The following RBFOX1 variants were observed in gnomAD, a reference collection of about 807,000 sequenced individuals.
RBFOX1 encodes the protein RNA binding protein fox-1 homolog 1.
In RBFOX1, 8 loss-of-function variants were observed where a neutral mutation model predicts 57.7. The ratio of observed to expected loss-of-function variants is 0.14; its 90% CI spans 0.08 to 0.25. The LOEUF (loss-of-function observed/expected upper bound fraction) is 0.25, where lower values mean the gene tolerates loss of function less well. RBFOX1 is among the 10% of genes least tolerant of loss of function. The pLI is 1.00. For missense variants in RBFOX1, 611 were observed against 548.5 expected (o/e 1.11, Z -1.14); for synonymous variants, 326 against 222.4 (o/e 1.47, Z -4.15).
rs533928576 is a variant in RBFOX1 at position 6,254,331 on chromosome 16, T to C, written c.-126-62664T>C. ...TCAACAATATAAATATCTATCTACA[T>C]AAGTGATTGTTTTTATCAAAATCAT... On this transcript the variant is annotated intron_variant, in intron 1 of 15. Coordinates refer to ENST00000550418, the MANE Select transcript of RBFOX1 (RefSeq NM_018723.4). Among the ~76,000 whole-genome samples, 4 of 152,292 alleles carry C rather than the reference T, an allele frequency of 2.6e-5. No individual in the cohort carries two copies. In the South Asian group the frequency reaches 8.3e-4, roughly 32 times the overall value.
chr16:7,128,511 C>A (rs17737220), intron 4 of RBFOX1, among the ~76,000 whole-genome samples: 91 of 152,184 alleles, frequency 6.0e-4, no homozygotes, highest in African/African-American at 2.0e-3. Context: ...ATATCCCCAG[C>A]AAGCTAGCCT....
intron 1 of RBFOX1, among the ~76,000 whole-genome samples, chr16:6,079,457 G>T (rs1318863578): frequency 1.3e-5 from 2 of 152,186 alleles, no homozygotes; most frequent in Non-Finnish European, 2.9e-5. Flanking sequence ...GACCACATGT[G>T]TGTGCCACCA....
At chr16:7,124,027 G>T (rs2067813863) in intron 4 of RBFOX1, among the ~76,000 whole-genome samples, 1 of 152,096 alleles carries the variant, frequency 6.6e-6, no homozygotes, top group Non-Finnish European at 1.5e-5. Flanking sequence ...GGAATTACTA[G>T]GTCAAAGGTT....
chr16:5,652,752 A>G (rs753733316), intron 3 of RBFOX1, among the ~76,000 whole-genome samples: 1 of 152,306 alleles, frequency 6.6e-6, no homozygotes, highest in Admixed American at 6.5e-5. Flanking sequence ...AACCAGACAG[A>G]CTTGAATTCA....
chr16:5,780,549 A>G (rs1326008647), intron 3 of RBFOX1, among the ~76,000 whole-genome samples: 1 of 152,160 alleles, frequency 6.6e-6, no homozygotes, highest in Non-Finnish European at 1.5e-5. Context: ...CAATCAATCA[A>G]TCAATTCCTC....
chr16:5,469,478 C>T (rs1394729566), intron 2 of RBFOX1, among the ~76,000 whole-genome samples: 1 of 152,142 alleles, frequency 6.6e-6, no homozygotes, highest in East Asian at 1.9e-4. Flanking sequence ...GTGATGGCAC[C>T]ATTGTTTCCC....
At chr16:7,001,498 C>G (rs551492338) in intron 3 of RBFOX1, among the ~76,000 whole-genome samples, 2 of 151,692 alleles carry the variant, frequency 1.3e-5, no homozygotes, top group South Asian at 4.2e-4. Flanking sequence ...GCTTTGTTGC[C>G]GAGGATGGAG....
At chr16:6,986,184 T>TTTTATTTA (rs201088154) in intron 3 of RBFOX1, among the ~76,000 whole-genome samples, 63,993 of 143,910 alleles carry the variant, frequency 0.44, 15,681 homozygotes, top group Non-Finnish European at 0.55. Context: ...CAATTTCTAT[T>TTTTATTTA]TTTATTTATT....
intron 2 of RBFOX1, among the ~76,000 whole-genome samples, chr16:6,607,043 C>G (rs186518893): frequency 6.6e-6 from 1 of 152,224 alleles, no homozygotes; most frequent in Admixed American, 6.5e-5. Context: ...TTTTAATAAT[C>G]GCCAAAAATG....
At chr16:7,681,952 G>C (rs549990276) in intron 14 of RBFOX1, among the ~76,000 whole-genome samples, 1 of 152,046 alleles carries the variant, frequency 6.6e-6, no homozygotes, top group Non-Finnish European at 1.5e-5. Context: ...TCTTATTCTA[G>C]TGCCGTATTG....
At chr16:5,512,906 A>G (rs1260168957) in intron 2 of RBFOX1, among the ~76,000 whole-genome samples, 2 of 152,040 alleles carry the variant, frequency 1.3e-5, no homozygotes, top group Non-Finnish European at 2.9e-5. Context: ...CTGGACTGTG[A>G]TGGTTTCTCA....
At chr16:6,033,243 T>G (rs1490781091) in intron 1 of RBFOX1, among the ~76,000 whole-genome samples, 1 of 152,204 alleles carries the variant, frequency 6.6e-6, no homozygotes, top group East Asian at 1.9e-4. Flanking sequence ...TTTGCCAGCA[T>G]GTAGTGCAAG....
Position 6,950,308 on chromosome 16 carries a change from C to G in RBFOX1, c.-15-101749C>G, listed in dbSNP as rs9939034. Among the ~76,000 whole-genome samples, 1,217 of 151,982 alleles carry G rather than the reference C, an allele frequency of 8.0e-3. 9 individuals are homozygous for G. Among genetic ancestry groups the G allele is most frequent in the African/African-American group, 0.027 (1,132 of 41,420 alleles). The stretch of plus-strand genomic sequence containing the variant: ...CATGCTCCCCTCTGCATCTCACAGC[C>G]TCATGTACACACCCATTGCTTTATC... On this transcript the variant is annotated intron_variant, in intron 3 of 15. Coordinates refer to ENST00000550418, the MANE Select transcript of RBFOX1 (RefSeq NM_018723.4).
intron 3 of RBFOX1, among the ~76,000 whole-genome samples, chr16:6,990,090 C>G (rs138047658): frequency 3.3e-5 from 5 of 152,306 alleles, no homozygotes; most frequent in Admixed American, 2.0e-4. Context: ...AGGTCAGATA[C>G]TGCTTGTTTT....
intron 3 of RBFOX1, among the ~76,000 whole-genome samples, chr16:5,667,656 G>C (rs776655330): frequency 8.5e-5 from 13 of 152,214 alleles, no homozygotes; most frequent in South Asian, 4.1e-4. Context: ...TTATTTTTCT[G>C]ATTGATCTCT....
At chr16:7,155,509 T>C (rs1037219992) in intron 4 of RBFOX1, among the ~76,000 whole-genome samples, 2 of 151,152 alleles carry the variant, frequency 1.3e-5, no homozygotes, top group Non-Finnish European at 2.9e-5. Flanking sequence ...AATGGGAGGA[T>C]TGCTTGAGCT....
At chr16:5,322,431 G>A (rs533603864) in intron 1 of RBFOX1, among the ~76,000 whole-genome samples, 5 of 152,106 alleles carry the variant, frequency 3.3e-5, no homozygotes, top group Non-Finnish European at 7.4e-5. Context: ...GTGCTGAGCC[G>A]GGTGCCCTGG....
At chr16:5,720,460 A>AT (rs1382556029) in intron 3 of RBFOX1, among the ~76,000 whole-genome samples, 2 of 152,112 alleles carry the variant, frequency 1.3e-5, no homozygotes, top group African/African-American at 2.4e-5. Context: ...CAATGAACCT[A>AT]TTTTTTCTTT....
chr16:7,347,564 G>A (rs1208344142), intron 4 of RBFOX1, among the ~76,000 whole-genome samples: 2 of 152,078 alleles, frequency 1.3e-5, no homozygotes, highest in African/African-American at 4.8e-5. Context: ...ACGATATCAA[G>A]TGGACACCTG....
Sources: allele counts gnomAD v4.1 joint callset (sites outside exome capture counted in the v4.1 genomes callset), GRCh38; gene constraint gnomAD v4.1.1; transcripts MANE v1.5; gene names NCBI Gene and HGNC (gene_info 2026-07-23, HGNC 2026-07-21).